NOL12: variants seen among roughly 807,000 people sequenced by gnomAD.
NOL12 encodes nucleolar protein 12.
NOL12 carries 21 observed loss-of-function variants against 25.2 expected under a neutral mutation model. The observed-to-expected ratio is 0.83, with a 90% confidence interval of 0.59 to 1.20. The LOEUF is 1.20. Ranked by LOEUF, NOL12 falls within the 50% of genes most tolerant of loss-of-function variation. The pLI is 0.00. For missense variants in NOL12, 286 were observed against 287.6 expected (o/e 0.99, Z 0.04); for synonymous variants, 133 against 113.8 (o/e 1.17, Z -1.08).
In NOL12 at chr22:37,686,434, G is replaced by A; in HGVS notation, c.42G>A (p.Arg14=). ...NKKKKRDGDD[R]RPRLVLSFDE... is the part of the protein sequence containing the mutation. Reference sequence around the variant, plus strand: ...AGAAGAAGCGAGATGGTGACGACCGGCGGCCGAGGCTCGTTCTTAGCTTCG... The same window carrying A: ...AGAAGAAGCGAGATGGTGACGACCGACGGCCGAGGCTCGTTCTTAGCTTCG... Residue 14 remains arginine (R), a synonymous_variant, in exon 1 of 6, where the codon CGG becomes CGA. Coordinates refer to ENST00000359114, the MANE Select transcript of NOL12 (RefSeq NM_024313.3). 1 of 1,605,822 alleles carries A rather than the reference G, an allele frequency of 6.2e-7. No individual in the cohort carries two copies. Among genetic ancestry groups the A allele is most frequent in the Non-Finnish European group, 8.5e-7 (1 of 1,176,918 alleles).
At position 37,691,239 on chromosome 22, in the gene NOL12, G is replaced by C. The variant is rs141736495; in HGVS notation, c.545G>C (p.Arg182Pro). Residue 182 changes from arginine (R) to proline (P), a missense_variant, in exon 6 of 6, where the codon CGA (arginine) becomes CCA (proline). Physicochemically the swap from Arg to Pro is moderately radical, Grantham distance 103. Coordinates refer to ENST00000359114, the MANE Select transcript of NOL12 (RefSeq NM_024313.3). ...AAAAAGGTCAAGAGGAAACATCCCC[G>C]ACGGGCCCAGGACTCCAAAAAGCCC... Reference protein sequence around the residue: ...SRKKVKRKHPRRAQDSKKPPR... With the variant: ...SRKKVKRKHPPRAQDSKKPPR... 1 of 1,614,062 alleles carries C rather than the reference G, an allele frequency of 6.2e-7. No homozygotes were observed. The highest frequency in any genetic ancestry group is 8.5e-7 in the Non-Finnish European group (1 of 1,179,976).
rs1189702533 is a variant in NOL12, at chr22:37,687,642, G to A, written c.84-268G>A. The A allele has an allele frequency of 8.9e-5, 27 of 304,572 alleles. No homozygotes were observed. In the Admixed American group the frequency reaches 1.2e-3, roughly 14 times the overall value. The allele number at this position is 304,572 out of a possible 1,614,324, so 18.9% of individuals were successfully genotyped here. A position where few individuals can be genotyped will look rare whatever the true frequency, so the allele number is the denominator to read the frequency against. On this transcript the variant is annotated intron_variant, in intron 1 of 5. Coordinates refer to ENST00000359114, the MANE Select transcript of NOL12 (RefSeq NM_024313.3). The stretch of plus-strand genomic sequence containing the variant: ...CCAGCTAATTTTTGTGTTTTTAGTA[G>A]ACACGGAGTTTCACCATGTTTGCCA...
Position 37,692,571 on chromosome 22 carries a change from C to T in NOL12, c.*1235C>T. 2.5e-6 allele frequency: 1 copy of T among 398,670 alleles called. No homozygotes were observed. Among genetic ancestry groups the T allele is most frequent in the Non-Finnish European group, 4.4e-6 (1 of 226,112 alleles). The allele number at this position is 398,670 out of a possible 1,614,324, so 24.7% of individuals were successfully genotyped here. ...TCAGGTTGTGCCTTGGTTAGAGGAG[C>T]TGTGTTGGGTCCTAAACACTAGGAC... is the stretch of plus-strand genomic sequence containing the variant. On this transcript the variant is annotated 3_prime_UTR_variant, in exon 6 of 6. Coordinates refer to ENST00000359114, the MANE Select transcript of NOL12 (RefSeq NM_024313.3).
At position 37,690,785 on chromosome 22, in the gene NOL12, T is replaced by C; in HGVS notation, c.470T>C (p.Leu157Pro). 1 of 1,612,772 alleles carries C rather than the reference T, an allele frequency of 6.2e-7. No individual in the cohort carries two copies. Among genetic ancestry groups the C allele is most frequent in the Middle Eastern group, 1.7e-4 (1 of 6,056 alleles). ...ALPRKSRDPL[L>P]SQRISSLTAS... ...CCCAGGAAGTCCAGAGACCCCCTGC[T>C]CTCTCAGCGGTGAGTCTTGGCCTGC... The change falls in exon 5 of 6, where the codon CTC (leucine) becomes CCC (proline). Residue 157 changes from leucine (L) to proline (P), a missense_variant. Physicochemically the swap from Leu to Pro is moderately conservative, Grantham distance 98. Coordinates refer to ENST00000359114, the MANE Select transcript of NOL12 (RefSeq NM_024313.3).
At chr22:37,687,256 T>TG (rs996810283) in intron 1 of NOL12, 2 of 183,972 alleles carry the variant, frequency 1.1e-5, no homozygotes, top group African/African-American at 6.1e-5. Flanking sequence ...GTACTGTGTG[T>TG]GGCCCCCCCC....
chr22:37,689,857 C>T (rs763132271), intron 4 of NOL12, among the ~76,000 whole-genome samples: 6 of 151,848 alleles, frequency 4.0e-5, no homozygotes, highest in South Asian at 2.1e-4. Flanking sequence ...GGTGAAACCC[C>T]GTCTCTATTA....
intron 1 of NOL12, chr22:37,686,867 CT>C: frequency 1.0e-6 from 1 of 985,448 alleles, no homozygotes; most frequent in Non-Finnish European, 1.2e-6. Flanking sequence ...TATTGGGCTC[CT>C]TTGGTGTGCC....
chr22:37,691,395 G>A lies in NOL12; in HGVS notation c.*59G>A. ...GCGGGGACCTGTCCTTGCTCAGCTT[G>A]GCTGTCCCTGTAGCCCAGCCTGCAC... On this transcript the variant is annotated 3_prime_UTR_variant, in exon 6 of 6. Coordinates refer to ENST00000359114, the MANE Select transcript of NOL12 (RefSeq NM_024313.3). The A allele has an allele frequency of 6.6e-7, 1 of 1,513,578 alleles. No individual in the cohort carries two copies. The highest frequency in any genetic ancestry group is 2.1e-5 in the Admixed American group (1 of 47,148). The allele number at this position is 1,513,578 out of a possible 1,614,324, so 93.8% of individuals were successfully genotyped here. A position where few individuals can be genotyped will look rare whatever the true frequency, so the allele number is the denominator to read the frequency against.
Position 37,691,228 on chromosome 22 carries a change from G to A in NOL12, c.534G>A (p.Arg178=). The A allele has an allele frequency of 6.2e-7, 1 of 1,614,034 alleles. No homozygotes were observed. Among genetic ancestry groups the A allele is most frequent in the Non-Finnish European group, 8.5e-7 (1 of 1,179,964 alleles). ...LHAHSRKKVK[R]KHPRRAQDSK... ...CACACAGCCGCAAAAAGGTCAAGAG[G>A]AAACATCCCCGACGGGCCCAGGACT... The change falls in exon 6 of 6, where the codon AGG becomes AGA. Residue 178 remains arginine, a synonymous_variant. Transcript: ENST00000359114.
chr22:37,688,107 C>G, intron 2 of NOL12, 92 bp downstream of exon 2: 1 of 1,218,510 alleles, frequency 8.2e-7, no homozygotes, highest in East Asian at 2.5e-5. Context: ...TGGCATGGGG[C>G]GATGTGTGTG....
In NOL12 at chr22:37,691,818, C is replaced by G. The variant is rs371329085; in HGVS notation, c.*482C>G. On this transcript the variant is annotated 3_prime_UTR_variant, in exon 6 of 6. Transcript: ENST00000359114. ...GTGTGTCCGTTGCTAGAATCCAGAG[C>G]CCACCTGCTGCTCTGAAAAGCAGGC... is the stretch of plus-strand genomic sequence containing the variant. 97 of 153,876 alleles carry G rather than the reference C, an allele frequency of 6.3e-4. No individual in the cohort carries two copies. The East Asian group carries it at 6.9e-3, about 11-fold the overall frequency. 9.5% of individuals were successfully genotyped at this position (153,876 alleles called of 1,614,324 possible).
At chr22:37,688,251 C>T in intron 2 of NOL12, 61 bp from the exon 3 acceptor site, 3 of 1,564,932 alleles carry the variant, frequency 1.9e-6, no homozygotes, top group Non-Finnish European at 2.6e-6. Flanking sequence ...TGATTAATAC[C>T]CCAGCCTGAG....
Position 37,692,937 on chromosome 22 carries a change from C to A in NOL12, c.*1601C>A. On this transcript the variant is annotated 3_prime_UTR_variant, in exon 6 of 6. Coordinates refer to ENST00000359114, the MANE Select transcript of NOL12 (RefSeq NM_024313.3). ...GGCTGCACCCGGGTATGGTGAGTTC[C>A]CCTCAGGGATTGTGCTGAGCGCCTT... 2.6e-6 allele frequency: 1 copy of A among 384,318 alleles called. No individual in the cohort carries two copies. Among genetic ancestry groups the A allele is most frequent in the East Asian group, 3.7e-5 (1 of 27,052 alleles). 23.8% of individuals were successfully genotyped at this position (384,318 alleles called of 1,614,324 possible). A position where few individuals can be genotyped will look rare whatever the true frequency, so the allele number is the denominator to read the frequency against.
chr22:37,687,094 T>A, intron 1 of NOL12: 1 of 985,180 alleles, frequency 1.0e-6, no homozygotes, highest in Non-Finnish European at 1.2e-6. Flanking sequence ...CTAGCGTGCA[T>A]CAACAGGCCC....
chr22:37,687,410 C>T (rs557103060), intron 1 of NOL12, among the ~76,000 whole-genome samples: 3 of 152,240 alleles, frequency 2.0e-5, no homozygotes, highest in South Asian at 4.1e-4. Context: ...TGTGACTCAA[C>T]GTTCCCATCT....
In NOL12 at chr22:37,691,443, A is replaced by C; in HGVS notation, c.*107A>C. The C allele has an allele frequency of 4.2e-4, 534 of 1,275,522 alleles. No homozygotes were observed. Among genetic ancestry groups the C allele is most frequent in the Non-Finnish European group, 5.0e-4 (478 of 965,180 alleles). The allele number at this position is 1,275,522 out of a possible 1,614,324, so 79.0% of individuals were successfully genotyped here. On this transcript the variant is annotated 3_prime_UTR_variant, in exon 6 of 6. Transcript: ENST00000359114. ...CACCTAGGTAATGACTGCACAGCTC[A>C]AGGTTGGGAAGCCAGGACCTCTCTG...
In NOL12 at chr22:37,686,368, A is replaced by C. The variant is rs755286393; in HGVS notation, c.-25A>C. 1 of 1,580,978 alleles carries C rather than the reference A, an allele frequency of 6.3e-7. No homozygotes were observed. The highest frequency in any genetic ancestry group is 1.4e-5 in the African/African-American group (1 of 73,606). On this transcript the variant is annotated 5_prime_UTR_variant, in exon 1 of 6. Coordinates refer to ENST00000359114, the MANE Select transcript of NOL12 (RefSeq NM_024313.3). ...GCTACACCCGGAAGTGTCTTCAGGGAGAGGAAGCCGGCGGCCTCACTGCTA... is the reference window on the plus strand; with the variant it reads ...GCTACACCCGGAAGTGTCTTCAGGGCGAGGAAGCCGGCGGCCTCACTGCTA...
intron 4 of NOL12, among the ~76,000 whole-genome samples, chr22:37,690,119 C>T (rs919454737): frequency 1.3e-5 from 2 of 151,998 alleles, no homozygotes; most frequent in African/African-American, 2.4e-5. Context: ...TGTGGTGAGC[C>T]GAGATCGTGC....
rs374618966 is a variant in NOL12, at chr22:37,688,926, C to T, written c.315C>T (p.Val105=). 7 of 1,613,856 alleles carry T rather than the reference C, an allele frequency of 4.3e-6. No individual in the cohort carries two copies. Among genetic ancestry groups the T allele is most frequent in the African/African-American group, 4.0e-5 (3 of 74,918 alleles). ...SVQYDHPNHT[V]TVTTISDLDL... Reference sequence around the variant, plus strand: ...AGTATGACCACCCCAACCACACAGTCACCGTGACCACCATCAGTGACCTGG... The same window carrying T: ...AGTATGACCACCCCAACCACACAGTTACCGTGACCACCATCAGTGACCTGG... Residue 105 remains valine (V), a synonymous_variant, in exon 4 of 6, where the codon GTC becomes GTT. Coordinates refer to ENST00000359114, the MANE Select transcript of NOL12 (RefSeq NM_024313.3).
Sources: allele counts gnomAD v4.1 joint callset (sites outside exome capture counted in the v4.1 genomes callset), GRCh38; gene constraint gnomAD v4.1.1; transcripts MANE v1.5; gene names NCBI Gene and HGNC (gene_info 2026-07-23, HGNC 2026-07-21).